Variants in MTHFD1L observed in about 807,000 individuals in gnomAD.
The protein encoded by MTHFD1L is methylenetetrahydrofolate dehydrogenase (NADP+ dependent) 1 like.
Under a neutral mutation model 119.5 loss-of-function variants are expected in MTHFD1L, and 81 were observed. The observed-to-expected ratio is 0.68, with a 90% CI of 0.57 to 0.82. The LOEUF (loss-of-function observed/expected upper bound fraction) is 0.82, where lower values mean the gene tolerates loss of function less well. MTHFD1L is among the 40% of genes least tolerant of loss of function. The pLI is 0.00. For synonymous variants in MTHFD1L, 430 were observed against 475.2 expected, an observed-to-expected ratio of 0.90 and a Z score of 1.24; for missense variants, 1,125 against 1,253.4, an observed-to-expected ratio of 0.90 and a Z score of 1.55.
At position 150,999,871 on chromosome 6, in the gene MTHFD1L, T is replaced by C. The variant is rs547882433; in HGVS notation, c.2126-9948T>C. Among the ~76,000 whole-genome samples, 6 of 152,292 alleles carry C rather than the reference T, an allele frequency of 3.9e-5. No individual in the cohort carries two copies. In the South Asian group the frequency reaches 1.2e-3, roughly 32 times the overall value. ...AAAGCTTTTACTACAACCAAAAATA[T>C]GTTCACGTGTACCTGTCTCCTCTTT... On this transcript the variant is annotated intron_variant, in intron 20 of 27. Coordinates refer to ENST00000367321, the MANE Select transcript of MTHFD1L (RefSeq NM_015440.5).
chr6:151,044,950 G>A (rs1254673177), intron 26 of MTHFD1L, among the ~76,000 whole-genome samples: 1 of 152,208 alleles, frequency 6.6e-6, no homozygotes, highest in Non-Finnish European at 1.5e-5. Flanking sequence ...TCACGTTTCA[G>A]TTCAGCTCGG....
At chr6:150,906,147 G>T (rs1005270573) in intron 8 of MTHFD1L, among the ~76,000 whole-genome samples, 2 of 152,206 alleles carry the variant, frequency 1.3e-5, no homozygotes, top group African/African-American at 4.8e-5. Flanking sequence ...GCAGATGAGC[G>T]CCGGATTGTT....
At chr6:151,012,721 A>G (rs1387963936) in intron 21 of MTHFD1L, among the ~76,000 whole-genome samples, 2 of 152,182 alleles carry the variant, frequency 1.3e-5, no homozygotes, top group East Asian at 3.8e-4. Context: ...GGATGTGTGT[A>G]TATATAGAGA....
intron 26 of MTHFD1L, among the ~76,000 whole-genome samples, chr6:151,046,457 T>TAA (rs1788030318): frequency 2.2e-5 from 3 of 136,462 alleles, no homozygotes; most frequent in Non-Finnish European, 3.1e-5. Flanking sequence ...TATATATATA[T>TAA]AATATGTGTG....
At chr6:151,023,643 G>A (rs1784263655) in intron 24 of MTHFD1L, among the ~76,000 whole-genome samples, 1 of 151,864 alleles carries the variant, frequency 6.6e-6, no homozygotes, top group Non-Finnish European at 1.5e-5. Context: ...CACCCAATGA[G>A]AAAAAAACAG....
At chr6:151,048,641 C>A (rs1284814023) in intron 26 of MTHFD1L, among the ~76,000 whole-genome samples, 1 of 152,172 alleles carries the variant, frequency 6.6e-6, no homozygotes, top group Non-Finnish European at 1.5e-5. Context: ...GCCCACAAAT[C>A]CTATCTGCTC....
At position 151,034,535 on chromosome 6, in the gene MTHFD1L, T is replaced by A. The variant is rs761212799; in HGVS notation, c.2629T>A (p.Tyr877Asn). 1 of 1,611,816 alleles carries A rather than the reference T, an allele frequency of 6.2e-7. No individual in the cohort carries two copies. The highest frequency in any genetic ancestry group is 2.2e-5 in the East Asian group (1 of 44,870). ...GATAAGGACCATTGCTCAGGCTGTC[T>A]ATGGAGCCAAAGATATTGAACTCTC... is the stretch of plus-strand genomic sequence containing the variant. ...DKIRTIAQAV[Y>N]GAKDIELSPE... The change falls in exon 25 of 28, where the codon TAT becomes AAT. Residue 877 changes from tyrosine to asparagine, a missense_variant. This residue lies in a region of MTHFD1L where 1,058 missense variants were observed against 1,151.2 expected (regional missense o/e 0.92). Coordinates refer to ENST00000367321, the MANE Select transcript of MTHFD1L (RefSeq NM_015440.5).
intron 9 of MTHFD1L, 93 bp from the exon 10 acceptor site, chr6:150,922,112 T>G: frequency 2.2e-6 from 2 of 902,904 alleles, no homozygotes; most frequent in Non-Finnish European, 3.6e-6. Context: ...AATCTTGTTT[T>G]GTAACATCCA....
chr6:151,009,723 T>A, intron 20 of MTHFD1L, 96 bp from the exon 21 acceptor site: 1 of 1,340,468 alleles, frequency 7.5e-7, no homozygotes, highest in South Asian at 1.2e-5. Context: ...AAAAGGAATG[T>A]AAGCTGTCCT....
At chr6:150,932,614 A>G (rs1166763780) in intron 11 of MTHFD1L, among the ~76,000 whole-genome samples, 2 of 152,124 alleles carry the variant, frequency 1.3e-5, no homozygotes, top group Non-Finnish European at 2.9e-5. Flanking sequence ...TACTAAAAAT[A>G]CAAAAATTAG....
chr6:151,073,704 T>G (rs1792192036), intron 26 of MTHFD1L, among the ~76,000 whole-genome samples: 1 of 150,560 alleles, frequency 6.6e-6, no homozygotes, highest in South Asian at 2.1e-4. Flanking sequence ...AAAAAAACTC[T>G]TAATTAATAG....
rs377136095 is a variant in MTHFD1L, at chr6:150,944,849, T to A, written c.1548+256T>A. Among the ~76,000 whole-genome samples, 3 of 152,366 alleles carry A rather than the reference T, an allele frequency of 2.0e-5. No homozygotes were observed. The East Asian group carries it at 5.8e-4, about 29-fold the overall frequency. On this transcript the variant is annotated intron_variant, in intron 14 of 27. Coordinates refer to ENST00000367321, the MANE Select transcript of MTHFD1L (RefSeq NM_015440.5). ...TGTAAAAGCCAAATATTCTCTAAGA[T>A]GAGTCTTTAGTTTTAAAGATGGTAG... is the stretch of plus-strand genomic sequence containing the variant.
chr6:150,882,652 A>G (rs1174517767), intron 4 of MTHFD1L, 110 bp from the exon 5 acceptor site: 3 of 791,068 alleles, frequency 3.8e-6, no homozygotes, highest in Non-Finnish European at 3.6e-6. Context: ...AAACAACAAC[A>G]AACTATAACA....
intron 8 of MTHFD1L, chr6:150,913,066 G>A (rs1787209518): frequency 6.5e-6 from 1 of 154,684 alleles, no homozygotes; most frequent in Non-Finnish European, 1.4e-5. Flanking sequence ...CAGGAATGCA[G>A]TGGCGCAACT....
chr6:151,010,315 T>C (rs966622458), intron 21 of MTHFD1L, among the ~76,000 whole-genome samples: 3 of 152,164 alleles, frequency 2.0e-5, no homozygotes, highest in African/African-American at 4.8e-5. Context: ...CATATGGTAA[T>C]GGGAGGTTAG....
chr6:151,042,654 T>C (rs1787306569), intron 26 of MTHFD1L, among the ~76,000 whole-genome samples: 1 of 152,246 alleles, frequency 6.6e-6, no homozygotes, highest in Non-Finnish European at 1.5e-5. Flanking sequence ...ACAAGGGCTG[T>C]TTAATCAGTT....
At chr6:151,021,978 C>T in intron 24 of MTHFD1L, 1 of 470,726 alleles carries the variant, frequency 2.1e-6, no homozygotes, top group South Asian at 1.6e-5. Context: ...GACAGCAAGA[C>T]AGGATAGTGT....
At position 151,015,645 on chromosome 6, in the gene MTHFD1L, A is replaced by C. The variant is rs769877395; in HGVS notation, c.2538A>C (p.Arg846Ser). The C allele has an allele frequency of 6.2e-7, 1 of 1,614,102 alleles. No homozygotes were observed. The highest frequency in any genetic ancestry group is 1.7e-5 in the Admixed American group (1 of 59,994). Residue 846 changes from arginine to serine, a missense_variant, in exon 24 of 28, where the codon AGA (arginine) becomes AGC (serine). Arg to Ser is a moderately radical substitution (Grantham distance 110). Around this residue, in one of 3 missense-constraint regions of MTHFD1L, gnomAD observed 1,058 missense variants for 1,151.2 expected, o/e 0.92. Coordinates refer to ENST00000367321, the MANE Select transcript of MTHFD1L (RefSeq NM_015440.5). ...KGSVDLARAV[R>S]EAASKRSRFQ... ...CGGTGGACTTGGCTCGGGCTGTGAG[A>C]GAGGCTGCGAGTAAAAGAAGCCGAT...
At chr6:150,918,105 G>A (rs56902938) in intron 8 of MTHFD1L, among the ~76,000 whole-genome samples, 19,635 of 134,588 alleles carry the variant, frequency 0.15, 1,412 homozygotes, top group Non-Finnish European at 0.16. Flanking sequence ...TTGCTATGTC[G>A]CCCAGGTTGC....
Sources: allele counts gnomAD v4.1 joint callset (sites outside exome capture counted in the v4.1 genomes callset), GRCh38; gene constraint gnomAD v4.1.1; regional missense constraint gnomAD v4.1.1; transcripts MANE v1.5; gene names NCBI Gene and HGNC (gene_info 2026-07-23, HGNC 2026-07-21).